KIAA1549L: variants seen among roughly 807,000 people sequenced by gnomAD.
KIAA1549L encodes the protein UPF0606 protein KIAA1549L.
Under a neutral mutation model 160.7 loss-of-function variants are expected in KIAA1549L, and 88 were observed. The ratio of observed to expected loss-of-function variants is 0.55; its 90% CI spans 0.46 to 0.65. KIAA1549L has a LOEUF of 0.65. KIAA1549L is among the 30% of genes least tolerant of loss of function. KIAA1549L has a pLI of 0.00. For synonymous variants in KIAA1549L, 950 were observed against 976.7 expected, an observed-to-expected ratio of 0.97 and a Z score of 0.51; for missense variants, 2,258 against 2,437.5, an observed-to-expected ratio of 0.93 and a Z score of 1.55.
intron 19 of KIAA1549L, among the ~76,000 whole-genome samples, chr11:33,659,149 CTTCAG>C (rs1852177562): frequency 6.6e-6 from 1 of 152,162 alleles, no homozygotes; most frequent in South Asian, 2.1e-4. Flanking sequence ...TTTTGCCAGA[CTTCAG>C]TTCAATTTTT....
At chr11:33,574,999 TAAATC>T (rs1339743768) in intron 10 of KIAA1549L, 126 bp downstream of exon 10, 20 of 784,646 alleles carry the variant, frequency 2.5e-5, no homozygotes, top group Middle Eastern at 2.4e-4. Flanking sequence ...GGAAGGTTCT[TAAATC>T]AATCAGCTAT....
At chr11:33,659,569 G>A (rs923016912) in intron 19 of KIAA1549L, among the ~76,000 whole-genome samples, 6 of 152,180 alleles carry the variant, frequency 3.9e-5, no homozygotes, top group Admixed American at 2.0e-4. Flanking sequence ...TGTACATGAC[G>A]TAATTGGTTT....
chr11:33,596,411 A>G (rs945540077), intron 12 of KIAA1549L, among the ~76,000 whole-genome samples: 3 of 152,146 alleles, frequency 2.0e-5, no homozygotes, highest in South Asian at 4.1e-4. Flanking sequence ...TTGTTTCAGG[A>G]TCAAATGAGG....
intron 1 of KIAA1549L, among the ~76,000 whole-genome samples, chr11:33,405,292 C>T (rs1850621549): frequency 6.6e-6 from 1 of 151,848 alleles, no homozygotes; most frequent in South Asian, 2.1e-4. Flanking sequence ...TGCATTGCTG[C>T]CAAAGAATAT....
At position 33,428,729 on chromosome 11, in the gene KIAA1549L, T is replaced by C. The variant is rs1851170657; in HGVS notation, c.238+51840T>C. On this transcript the variant is annotated intron_variant, in intron 1 of 20. Coordinates refer to ENST00000658780, the MANE Select transcript of KIAA1549L (RefSeq NM_012194.3). ...TGGACGTTTGAGTTGGTTCCAAGTC[T>C]TTGCTATTGTGAATAGTGCTGCAAT... 2.0e-5 allele frequency among the ~76,000 whole-genome samples: 3 copies of C among 152,202 alleles called. No individual in the cohort carries two copies. In the South Asian group the frequency reaches 6.2e-4, roughly 32 times the overall value.
In KIAA1549L at chr11:33,440,120, C is replaced by CTTTTTTTTTTTTTTTTTTTTTTTTT. The variant is rs201551936; in HGVS notation, c.238+63234_238+63258dup. 6.6e-4 allele frequency among the ~76,000 whole-genome samples: 55 copies of CTTTTTTTTTTTTTTTTTTTTTTTTT among 83,416 alleles called. 10 individuals are homozygous for CTTTTTTTTTTTTTTTTTTTTTTTTT. The highest frequency in any genetic ancestry group is 1.1e-3 in the Non-Finnish European group (46 of 40,740). 54.7% of individuals were successfully genotyped at this position (83,416 alleles called of 152,430 possible). On this transcript the variant is annotated intron_variant, in intron 1 of 20. Transcript: ENST00000658780. ...GGTTATTTCCTCACCTATTTTGTTT[C>CTTTTTTTTTTTTTTTTTTTTTTTTT]TTTTTTTTTTTTTTTTTTTTTTTTT...
At chr11:33,605,150 TTTTTGTTTTG>T (rs71457310) in intron 13 of KIAA1549L, among the ~76,000 whole-genome samples, 7,442 of 149,878 alleles carry the variant, frequency 0.05, 320 homozygotes, top group African/African-American at 0.11. Context: ...AAGTCATGAG[TTTTTGTTTTG>T]TTTTGTTTTG....
At chr11:33,631,298 C>G (rs1003063256) in intron 16 of KIAA1549L, among the ~76,000 whole-genome samples, 1 of 152,208 alleles carries the variant, frequency 6.6e-6, no homozygotes, top group Non-Finnish European at 1.5e-5. Flanking sequence ...CCTTCAACCA[C>G]CCCCTTGGCT....
At chr11:33,595,916 G>A (rs1850186528) in intron 12 of KIAA1549L, among the ~76,000 whole-genome samples, 1 of 152,196 alleles carries the variant, frequency 6.6e-6, no homozygotes, top group East Asian at 1.9e-4. Context: ...CAGTCAGATG[G>A]GTGTTCTGCG....
intron 1 of KIAA1549L, among the ~76,000 whole-genome samples, chr11:33,408,401 TATCTA>T (rs1288919897): frequency 6.6e-6 from 1 of 151,696 alleles, no homozygotes; most frequent in African/African-American, 2.4e-5. Context: ...GATTCAGTGA[TATCTA>T]ATATCTAATA....
intron 20 of KIAA1549L, 150 bp from the exon 21 acceptor site, chr11:33,667,723 A>T: frequency 1.5e-6 from 1 of 665,000 alleles, no homozygotes; most frequent in Non-Finnish European, 2.5e-6. Context: ...TCTGAGTTTT[A>T]TATCTATACA....
chr11:33,596,933 C>T (rs1164366303), intron 12 of KIAA1549L, among the ~76,000 whole-genome samples: 2 of 151,952 alleles, frequency 1.3e-5, no homozygotes, highest in Non-Finnish European at 2.9e-5. Context: ...TGTTGCACAC[C>T]CAGCACTCAG....
At chr11:33,594,146 A>T (rs1483890687) in intron 12 of KIAA1549L, among the ~76,000 whole-genome samples, 8 of 152,140 alleles carry the variant, frequency 5.3e-5, no homozygotes, top group African/African-American at 1.7e-4. Flanking sequence ...TACTGGAATC[A>T]AGCAACAAGA....
intron 15 of KIAA1549L, among the ~76,000 whole-genome samples, chr11:33,611,331 T>C (rs2133332655): frequency 6.6e-6 from 1 of 152,304 alleles, no homozygotes; most frequent in South Asian, 2.1e-4. Context: ...GTTTCTGGCC[T>C]GAGTAAGTAC....
At chr11:33,584,003 G>A (rs891536354) in intron 11 of KIAA1549L, among the ~76,000 whole-genome samples, 1 of 152,168 alleles carries the variant, frequency 6.6e-6, no homozygotes. Flanking sequence ...TTAGGAGATA[G>A]GGCCTTTGGG....
intron 16 of KIAA1549L, among the ~76,000 whole-genome samples, chr11:33,633,064 C>T (rs1300382586): frequency 1.3e-5 from 2 of 151,272 alleles, no homozygotes; most frequent in Non-Finnish European, 2.9e-5. Context: ...CAACCTCCAC[C>T]TCCTGGGTTC....
At chr11:33,409,933 A>G (rs1020158859) in intron 1 of KIAA1549L, among the ~76,000 whole-genome samples, 1 of 152,172 alleles carries the variant, frequency 6.6e-6, no homozygotes, top group African/African-American at 2.4e-5. Context: ...AGAAAAATCC[A>G]CAAGGGAGTC....
chr11:33,530,436 A>ATATAT (rs1422236534), intron 1 of KIAA1549L, among the ~76,000 whole-genome samples: 4 of 11,854 alleles, frequency 3.4e-4, no homozygotes, highest in Admixed American at 1.4e-3. Flanking sequence ...AAAAAAAAAA[A>ATATAT]ATATATATAT....
Position 33,599,742 on chromosome 11 carries a change from G to A in KIAA1549L, c.4879+795G>A, listed in dbSNP as rs561719072. ...CCTTGGTTCTGACTCTCATCTCCATGTGGCCCTTCCGTGTGTGATGCTGGT... is the reference window on the plus strand; with the variant it reads ...CCTTGGTTCTGACTCTCATCTCCATATGGCCCTTCCGTGTGTGATGCTGGT... On this transcript the variant is annotated intron_variant, in intron 13 of 20. Coordinates refer to ENST00000658780, the MANE Select transcript of KIAA1549L (RefSeq NM_012194.3). Among the ~76,000 whole-genome samples the A allele has an allele frequency of 2.0e-5, 3 of 152,258 alleles. No homozygotes were observed. In the East Asian group the frequency reaches 5.8e-4, roughly 29 times the overall value.
Sources: gnomAD v4.1 joint callset for allele counts (sites outside exome capture counted in the v4.1 genomes callset) on GRCh38, gnomAD v4.1.1 for gene constraint, MANE v1.5 for transcripts, NCBI Gene and HGNC (gene_info 2026-07-23, HGNC 2026-07-21) for gene names.